The following CYBB variants were observed in gnomAD, a reference collection of about 807,000 sequenced individuals.
CYBB encodes the protein cytochrome b-245 beta chain, also known as NADPH oxidase 2.
CYBB carries 5 observed loss-of-function variants against 46.5 expected under a neutral mutation model. That is an observed-to-expected ratio of 0.11 (90% CI 0.06 to 0.23). The LOEUF is 0.23. Ranked by LOEUF, CYBB falls within the 10% of genes least tolerant of loss-of-function variation. The pLI, the probability that CYBB is intolerant of heterozygous loss-of-function variation, is 1.00. For missense variants in CYBB, 307 were observed against 428.3 expected, an observed-to-expected ratio of 0.72 and a Z score of 2.50; for synonymous variants, 183 against 156.7, an observed-to-expected ratio of 1.17 and a Z score of -1.26.
At chrX:37,790,545 G>A (rs1929176813) in intron 3 of CYBB, among the ~76,000 whole-genome samples, 2 of 111,556 alleles carry the variant, frequency 1.8e-5, no homozygotes, top group South Asian at 7.4e-4. Context: ...ATTCAATAAA[G>A]CATAATTTTT....
chrX:37,798,031 C>T (rs1009395053), intron 6 of CYBB, among the ~76,000 whole-genome samples: 4 of 112,060 alleles, frequency 3.6e-5, no homozygotes, highest in Non-Finnish European at 1.9e-5. Flanking sequence ...TGATAATTCT[C>T]TTCCCCAAGA....
chrX:37,789,551 AAACT>A (rs1458157205), intron 3 of CYBB, among the ~76,000 whole-genome samples: 22 of 110,541 alleles, frequency 2.0e-4, no homozygotes, highest in African/African-American at 7.2e-4. Flanking sequence ...ATAAATAAAT[AAACT>A]ATAAAGGAAC....
intron 11 of CYBB, among the ~76,000 whole-genome samples, chrX:37,807,471 T>A (rs1929588638): frequency 9.1e-6 from 1 of 110,380 alleles, no homozygotes; most frequent in Non-Finnish European, 1.9e-5. Context: ...TGCCAGGTAT[T>A]ATTCTTATGT....
intron 11 of CYBB, among the ~76,000 whole-genome samples, chrX:37,807,099 T>C (rs1022273284): frequency 9.0e-6 from 1 of 111,255 alleles, no homozygotes; most frequent in Non-Finnish European, 1.9e-5. Flanking sequence ...TCATGTTAGA[T>C]GATTTTGTGC....
intron 1 of CYBB, among the ~76,000 whole-genome samples, chrX:37,780,422 T>C (rs782327358): frequency 9.0e-6 from 1 of 111,673 alleles, no homozygotes; most frequent in Non-Finnish European, 1.9e-5. Context: ...CTGAGTTGTT[T>C]AGTAATGTTT....
chrX:37,795,010 A>G (rs782057869), intron 5 of CYBB, among the ~76,000 whole-genome samples: 5 of 111,718 alleles, frequency 4.5e-5, no homozygotes, highest in Non-Finnish European at 7.5e-5. Flanking sequence ...TGTTTGCCCA[A>G]TGATATATGA....
intron 8 of CYBB, among the ~76,000 whole-genome samples, chrX:37,803,503 A>G (rs529402336): frequency 5.4e-5 from 6 of 111,666 alleles, no homozygotes; most frequent in Non-Finnish European, 9.4e-5. Flanking sequence ...AAGGAATTCT[A>G]TAAGAGATAA....
rs12014060 is a variant in CYBB, at chrX:37,794,883, T to C, written c.484-1068T>C. Among the ~76,000 whole-genome samples, 23,593 of 111,011 alleles carry C rather than the reference T, an allele frequency of 0.21. 2,110 individuals are homozygous for C. Among genetic ancestry groups the C allele is most frequent in the African/African-American group, 0.35 (10,614 of 30,399 alleles). Reference sequence around the variant, plus strand: ...TAGTTTTGGAAAAAATAATTATTATTCTCAGACTTACATGAGAAAAACTTG... The same window carrying C: ...TAGTTTTGGAAAAAATAATTATTATCCTCAGACTTACATGAGAAAAACTTG... On this transcript the variant is annotated intron_variant, in intron 5 of 12. Transcript: ENST00000378588.
In CYBB at chrX:37,811,015, A is replaced by T; in HGVS notation, c.*98A>T. The T allele has an allele frequency of 1.3e-6, 1 of 799,873 alleles. No homozygotes were observed. Among genetic ancestry groups the T allele is most frequent in the Non-Finnish European group, 1.8e-6 (1 of 548,266 alleles). The allele number at this position is 799,873 out of a possible 1,213,427, so 65.9% of individuals were successfully genotyped here. A position where few individuals can be genotyped will look rare whatever the true frequency, so the allele number is the denominator to read the frequency against. ...AATACCCCCTGCTTAAAAATGGACA[A>T]AAAGAAACTATAATGTAATGGTTTT... On this transcript the variant is annotated 3_prime_UTR_variant, in exon 13 of 13. Coordinates refer to ENST00000378588, the MANE Select transcript of CYBB (RefSeq NM_000397.4).
chrX:37,802,220 T>A (rs1223850831), intron 8 of CYBB, among the ~76,000 whole-genome samples: 1 of 111,458 alleles, frequency 9.0e-6, no homozygotes, highest in Non-Finnish European at 1.9e-5. Context: ...CAGCTGGCTT[T>A]GGAAGTCTTG....
chrX:37,789,913 C>T (rs782052831), intron 3 of CYBB, among the ~76,000 whole-genome samples: 7 of 111,612 alleles, frequency 6.3e-5, no homozygotes, highest in East Asian at 2.8e-4. Context: ...CCAATCCATG[C>T]GACAACTGCC....
intron 11 of CYBB, among the ~76,000 whole-genome samples, chrX:37,808,127 T>C (rs781988086): frequency 8.9e-6 from 1 of 112,181 alleles, no homozygotes; most frequent in Non-Finnish European, 1.9e-5. Flanking sequence ...TTTGTGCTGC[T>C]ATAACAAAAC....
rs1234059048 is a variant in CYBB at position 37,812,182 on chromosome X, A to G, written c.*1265A>G. On this transcript the variant is annotated 3_prime_UTR_variant, in exon 13 of 13. Transcript: ENST00000378588. The stretch of plus-strand genomic sequence containing the variant: ...TACAGAGATCAAATTCACACTCAAT[A>G]GTATGTTCTGAATATATGTTCAAGA... 1.8e-5 allele frequency: 2 copies of G among 112,345 alleles called. No homozygotes were observed. The highest frequency in any genetic ancestry group is 3.2e-5 in the African/African-American group (1 of 30,852). 9.3% of individuals were successfully genotyped at this position (112,345 alleles called of 1,213,427 possible).
Position 37,811,999 on chromosome X carries a change from A to G in CYBB, c.*1082A>G, listed in dbSNP as rs1179650372. ...ATATTGAACTTAGGAATTGTGACAAATATGTATCTGATATGGTCATTTGTT... is the reference window on the plus strand; with the variant it reads ...ATATTGAACTTAGGAATTGTGACAAGTATGTATCTGATATGGTCATTTGTT... On this transcript the variant is annotated 3_prime_UTR_variant, in exon 13 of 13. Coordinates refer to ENST00000378588, the MANE Select transcript of CYBB (RefSeq NM_000397.4). The G allele has an allele frequency of 1.8e-5, 2 of 111,948 alleles. No individual in the cohort carries two copies. The highest frequency in any genetic ancestry group is 6.5e-5 in the African/African-American group (2 of 30,763). 9.2% of individuals were successfully genotyped at this position (111,948 alleles called of 1,213,427 possible). A position where few individuals can be genotyped will look rare whatever the true frequency, so the allele number is the denominator to read the frequency against.
chrX:37,781,461 G>A (rs1451245170), intron 1 of CYBB, among the ~76,000 whole-genome samples: 1 of 112,374 alleles, frequency 8.9e-6, no homozygotes, highest in Non-Finnish European at 1.9e-5. Context: ...TAGAGAACTG[G>A]GTAGTGTGAC....
At chrX:37,805,579 A>G (rs1300652266) in intron 10 of CYBB, among the ~76,000 whole-genome samples, 1 of 111,822 alleles carries the variant, frequency 8.9e-6, no homozygotes, top group African/African-American at 3.3e-5. Context: ...AGTGTTTTTC[A>G]ATGTCTTCAC....
chrX:37,809,553 G>T lies in CYBB; in HGVS notation c.1462-14G>T, dbSNP rs1556472659. 8.4e-7 allele frequency: 1 copy of T among 1,191,173 alleles called. No individual in the cohort carries two copies. Among genetic ancestry groups the T allele is most frequent in the South Asian group, 1.8e-5 (1 of 54,608 alleles). On this transcript the variant is annotated splice_polypyrimidine_tract_variant and intron_variant, in intron 11 of 12. Coordinates refer to ENST00000378588, the MANE Select transcript of CYBB (RefSeq NM_000397.4). Reference sequence around the variant, plus strand: ...ATGTCTCTTTTTTTTCTGAATTCATGTCCTTTCCTGTAGGCCAATCACTTT... The same window carrying T: ...ATGTCTCTTTTTTTTCTGAATTCATTTCCTTTCCTGTAGGCCAATCACTTT...
intron 4 of CYBB, among the ~76,000 whole-genome samples, chrX:37,792,368 C>T (rs950088056): frequency 9.0e-6 from 1 of 110,980 alleles, no homozygotes; most frequent in Non-Finnish European, 1.9e-5. Flanking sequence ...TGTTAATTCA[C>T]TCATGAAAAC....
intron 3 of CYBB, among the ~76,000 whole-genome samples, chrX:37,783,874 A>G (rs1433717824): frequency 9.0e-6 from 1 of 111,443 alleles, no homozygotes; most frequent in Non-Finnish European, 1.9e-5. Flanking sequence ...TTACACACAC[A>G]CACATATATA....
Sources: allele counts gnomAD v4.1 joint callset (sites outside exome capture counted in the v4.1 genomes callset), GRCh38; gene constraint gnomAD v4.1.1; transcripts MANE v1.5; gene names NCBI Gene and HGNC (gene_info 2026-07-23, HGNC 2026-07-21).